CHP1: variants seen among roughly 807,000 people sequenced by gnomAD.
CHP1 encodes calcineurin B homologous protein 1.
A neutral mutation model predicts 27.4 loss-of-function variants in CHP1; 11 were observed. The observed-to-expected ratio is 0.40, with a 90% CI of 0.25 to 0.67. The LOEUF (loss-of-function observed/expected upper bound fraction) is 0.67, where lower values mean the gene tolerates loss of function less well. Among genes scored for constraint, CHP1 ranks in the 30% least tolerant of loss-of-function variants. The pLI, the probability that CHP1 is intolerant of heterozygous loss-of-function variation, is 0.38. For missense variants in CHP1, 169 were observed against 251.3 expected, an observed-to-expected ratio of 0.67 and a Z score of 2.22; for synonymous variants, 89 against 87.4, an observed-to-expected ratio of 1.02 and a Z score of -0.10.
At chr15:41,254,177 C>A (rs1397982718) in intron 2 of CHP1, among the ~76,000 whole-genome samples, 1 of 152,096 alleles carries the variant, frequency 6.6e-6, no homozygotes. Context: ...AATCTAAATT[C>A]TAAGAGTAGA....
chr15:41,279,022 C>T, intron 6 of CHP1, 133 bp downstream of exon 6: 2 of 1,132,626 alleles, frequency 1.8e-6, no homozygotes, highest in African/African-American at 1.6e-5. Flanking sequence ...ACCAGCCTGG[C>T]TAACATGGTG....
rs138820507 is a variant in CHP1 at position 41,255,781 on chromosome 15, C to T, written c.141-1129C>T. On this transcript the variant is annotated intron_variant, in intron 2 of 6. Coordinates refer to ENST00000334660, the MANE Select transcript of CHP1 (RefSeq NM_007236.5). ...AATCCCACCCAGCACTTTGGGAGGC[C>T]GAGGCCGGCAGATCACCTGAGGTCA... Among the ~76,000 whole-genome samples the T allele has an allele frequency of 5.8e-3, 871 of 150,244 alleles. 7 individuals are homozygous for T. The highest frequency in any genetic ancestry group is 0.044 in the Middle Eastern group (12 of 270).
intron 5 of CHP1, 38 bp downstream of exon 5, chr15:41,270,656 C>G (rs1162746621): frequency 6.7e-7 from 1 of 1,503,586 alleles, no homozygotes; most frequent in South Asian, 1.1e-5. Context: ...TGCTTGGACT[C>G]TGCCTGCTTA....
intron 4 of CHP1, among the ~76,000 whole-genome samples, chr15:41,267,229 G>A (rs958214947): frequency 1.3e-5 from 2 of 152,064 alleles, no homozygotes; most frequent in African/African-American, 2.4e-5. Flanking sequence ...TACATTTTCC[G>A]CTAGTGAAGA....
chr15:41,233,357 G>A (rs565666985), intron 1 of CHP1, among the ~76,000 whole-genome samples: 1 of 152,288 alleles, frequency 6.6e-6, no homozygotes, highest in African/African-American at 2.4e-5. Flanking sequence ...CAGAATGAAG[G>A]GAGCAGTAAT....
chr15:41,278,121 G>A (rs1256737737), intron 5 of CHP1, among the ~76,000 whole-genome samples: 2 of 152,014 alleles, frequency 1.3e-5, no homozygotes, highest in African/African-American at 2.4e-5. Context: ...GAGGTCAGGA[G>A]ATCGAGACCA....
intron 3 of CHP1, among the ~76,000 whole-genome samples, chr15:41,260,478 T>A (rs1440739770): frequency 6.8e-6 from 1 of 147,882 alleles, no homozygotes; most frequent in East Asian, 2.0e-4. Context: ...CATTGCACCC[T>A]CCATCTTTGG....
At chr15:41,265,819 T>A (rs1402362825) in intron 4 of CHP1, among the ~76,000 whole-genome samples, 1 of 152,118 alleles carries the variant, frequency 6.6e-6, no homozygotes, top group African/African-American at 2.4e-5. Flanking sequence ...ACACACTTTG[T>A]TCTATTTCTT....
Position 41,243,670 on chromosome 15 carries a change from C to T in CHP1, c.71C>T (p.Ser24Phe). 6.2e-7 allele frequency: 1 copy of T among 1,613,962 alleles called. No individual in the cohort carries two copies. Among genetic ancestry groups the T allele is most frequent in the Non-Finnish European group, 8.5e-7 (1 of 1,179,922 alleles). The stretch of plus-strand genomic sequence containing the variant: ...GGACTAATTTTGTGCTCTTTAGTTT[C>T]CCACAGTCAAATCACTCGCCTCTAC... ...LEEIKKETGF[S>F]HSQITRLYSR... is the part of the protein sequence containing the mutation. Residue 24 changes from serine to phenylalanine, a missense_variant, in exon 2 of 7, where the codon TCC (serine) becomes TTC (phenylalanine). By Grantham distance (155) the Ser-to-Phe change is radical. Transcript: ENST00000334660.
At chr15:41,254,518 A>G (rs1172921765) in intron 2 of CHP1, among the ~76,000 whole-genome samples, 1 of 152,234 alleles carries the variant, frequency 6.6e-6, no homozygotes, top group Non-Finnish European at 1.5e-5. Context: ...TTGTTGAATT[A>G]AATAATCAGG....
At chr15:41,248,650 T>C (rs899246650) in intron 2 of CHP1, among the ~76,000 whole-genome samples, 3 of 152,098 alleles carry the variant, frequency 2.0e-5, no homozygotes, top group Admixed American at 2.0e-4. Context: ...AGGAGACTCA[T>C]GCCTGTAATC....
In CHP1 at chr15:41,231,274, AAC is replaced by A; in HGVS notation, c.-106_-105del. 1 of 1,135,846 alleles carries A rather than the reference AAC, an allele frequency of 8.8e-7. No homozygotes were observed. The highest frequency in any genetic ancestry group is 1.3e-6 in the Non-Finnish European group (1 of 778,938). 70.4% of individuals were successfully genotyped at this position (1,135,846 alleles called of 1,614,324 possible). On this transcript the variant is annotated 5_prime_UTR_variant, in exon 1 of 7. Coordinates refer to ENST00000334660, the MANE Select transcript of CHP1 (RefSeq NM_007236.5). ...GGTTCCCTCCCGGGTCCGCAGTGGA[AAC>A]ACTGCCCTCTCCCTTCTTGACCCCT... is the stretch of plus-strand genomic sequence containing the variant.
chr15:41,278,352 GA>G lies in CHP1; in HGVS notation c.412-407del, dbSNP rs796661262. Among the ~76,000 whole-genome samples, 4 of 149,972 alleles carry G rather than the reference GA, an allele frequency of 2.7e-5. No individual in the cohort carries two copies. The East Asian group carries it at 7.8e-4, about 29-fold the overall frequency. ...CGTCTCAAAAAAAAAAAAAAAAAAG[GA>G]AAAAAAATTTAACTTTTAGGTTCAG... On this transcript the variant is annotated intron_variant, in intron 5 of 6. Transcript: ENST00000334660.
intron 2 of CHP1, among the ~76,000 whole-genome samples, chr15:41,247,956 A>G (rs936560500): frequency 1.3e-5 from 2 of 151,622 alleles, no homozygotes; most frequent in African/African-American, 2.4e-5. Flanking sequence ...GCGACAGAGC[A>G]AGACTCCGTC....
At chr15:41,232,272 G>A (rs541234069) in intron 1 of CHP1, among the ~76,000 whole-genome samples, 2 of 149,462 alleles carry the variant, frequency 1.3e-5, no homozygotes, top group South Asian at 2.1e-4. Context: ...GTGCAGTGGC[G>A]TGATCTCGGC....
At chr15:41,256,590 G>T in intron 2 of CHP1, 1 of 291,182 alleles carries the variant, frequency 3.4e-6, no homozygotes, top group South Asian at 3.8e-5. Context: ...AACTAGGTAC[G>T]CAATGCTAAT....
At chr15:41,242,533 C>T (rs1355063418) in intron 1 of CHP1, among the ~76,000 whole-genome samples, 1 of 152,070 alleles carries the variant, frequency 6.6e-6, no homozygotes, top group Non-Finnish European at 1.5e-5. Flanking sequence ...GCACGAGAAT[C>T]GCTTGAACCC....
rs576556671 is a variant in CHP1, at chr15:41,244,743, T to G, written c.140+1004T>G. On this transcript the variant is annotated intron_variant, in intron 2 of 6. Coordinates refer to ENST00000334660, the MANE Select transcript of CHP1 (RefSeq NM_007236.5). ...AGGTAAGTATATGATATCAGAGTGA[T>G]GTAATGCTATATTGTTTTATGTTTG... Among the ~76,000 whole-genome samples, 4 of 152,322 alleles carry G rather than the reference T, an allele frequency of 2.6e-5. No individual in the cohort carries two copies. In the East Asian group the frequency reaches 7.7e-4, roughly 29 times the overall value.
At chr15:41,261,516 A>G (rs2047432898) in intron 3 of CHP1, among the ~76,000 whole-genome samples, 2 of 151,946 alleles carry the variant, frequency 1.3e-5, no homozygotes, top group South Asian at 2.1e-4. Context: ...GTATTTTTCT[A>G]TCTACTTTTC....
Sources: allele counts gnomAD v4.1 joint callset (sites outside exome capture counted in the v4.1 genomes callset), GRCh38; gene constraint gnomAD v4.1.1; transcripts MANE v1.5; gene names NCBI Gene and HGNC (gene_info 2026-07-23, HGNC 2026-07-21).